The following SGSM2 variants were observed in gnomAD, a reference collection of about 807,000 sequenced individuals.
SGSM2 encodes the protein RUN and TBC1 domain containing 1.
A neutral mutation model predicts 126.6 loss-of-function variants in SGSM2; 89 were observed. The observed-to-expected ratio is 0.70, with a 90% CI of 0.59 to 0.84. The LOEUF (loss-of-function observed/expected upper bound fraction) is 0.84. Among genes scored for constraint, SGSM2 ranks in the 40% least tolerant of loss-of-function variants. The probability of loss-of-function intolerance (pLI) is 0.00; values close to 1 mark genes in which losing one functional copy is unlikely to be tolerated. For missense variants in SGSM2, 1,404 were observed against 1,416.6 expected (o/e 0.99, Z 0.14); for synonymous variants, 614 against 574.3 (o/e 1.07, Z -0.99).
intron 1 of SGSM2, among the ~76,000 whole-genome samples, chr17:2,338,379 T>C (rs1367620348): frequency 6.6e-6 from 1 of 152,156 alleles, no homozygotes; most frequent in Non-Finnish European, 1.5e-5. Context: ...GAAAGAGAAG[T>C]AGTCCTTCCC....
Position 2,371,243 on chromosome 17 carries a change from C to A in SGSM2, c.1424-19C>A. 6.2e-7 allele frequency: 1 copy of A among 1,605,740 alleles called. No individual in the cohort carries two copies. The highest frequency in any genetic ancestry group is 8.5e-7 in the Non-Finnish European group (1 of 1,178,254). On this transcript the variant is annotated intron_variant, in intron 12 of 23. Transcript: ENST00000268989. ...GAAGGTGTCTCAGGCCCTGACCATG[C>A]CACCCTTCCTGCCCGCAGACGCTGG...
Position 2,362,828 on chromosome 17 carries a change from CT to C in SGSM2, c.459-9del. 2 of 1,613,900 alleles carry C rather than the reference CT, an allele frequency of 1.2e-6. No homozygotes were observed. The highest frequency in any genetic ancestry group is 3.3e-5 in the Admixed American group (2 of 60,034). ...GAGCCTCGGCAGTCACACTGTCTGT[CT>C]CCTGGCAGCAAGTACTACGAGAAGG... On this transcript the variant is annotated splice_polypyrimidine_tract_variant and intron_variant, in intron 4 of 23. Coordinates refer to ENST00000268989, the MANE Select transcript of SGSM2 (RefSeq NM_014853.3). The surrounding 1 kb of genome is among the most constrained non-coding windows in gnomAD (Gnocchi z 4.9).
At chr17:2,339,575 G>A (rs921900246) in intron 1 of SGSM2, among the ~76,000 whole-genome samples, 17 of 151,906 alleles carry the variant, frequency 1.1e-4, no homozygotes, top group Non-Finnish European at 2.1e-4. Context: ...TTAGCTGGGC[G>A]TGGTGGCGGG....
At chr17:2,378,205 G>A (rs1422072740) in intron 22 of SGSM2, among the ~76,000 whole-genome samples, 1 of 152,206 alleles carries the variant, frequency 6.6e-6, no homozygotes, top group East Asian at 1.9e-4. Flanking sequence ...GTCAAGGTGA[G>A]AGGATCGCTT....
intron 1 of SGSM2, among the ~76,000 whole-genome samples, chr17:2,340,725 C>T (rs531150281): frequency 1.3e-5 from 2 of 152,158 alleles, no homozygotes; most frequent in African/African-American, 4.8e-5. Context: ...GCTGGGACTA[C>T]AGGCGCCTGC....
At chr17:2,379,243 G>A in intron 23 of SGSM2, 40 bp downstream of exon 23, 2 of 1,608,608 alleles carry the variant, frequency 1.2e-6, no homozygotes, top group Middle Eastern at 1.7e-4. Context: ...CCTGAGCAGA[G>A]GTGTGGAGGC....
rs545485550 is a variant in SGSM2, at chr17:2,363,696, C to T, written c.807+97C>T. ...GCTATTCCTTTCCTGAGGAGCTTGA[C>T]CAGAGACGGGGGGGAGAATGGCCCC... is the stretch of plus-strand genomic sequence containing the variant. On this transcript the variant is annotated intron_variant, in intron 7 of 23. Coordinates refer to ENST00000268989, the MANE Select transcript of SGSM2 (RefSeq NM_014853.3). The surrounding 1 kb of genome is among the most constrained non-coding windows in gnomAD (Gnocchi z 4.2). 6.7e-7 allele frequency: 1 copy of T among 1,503,462 alleles called. No individual in the cohort carries two copies. Among genetic ancestry groups the T allele is most frequent in the East Asian group, 2.3e-5 (1 of 42,884 alleles). The allele number at this position is 1,503,462 out of a possible 1,614,324, so 93.1% of individuals were successfully genotyped here.
At position 2,365,203 on chromosome 17, in the gene SGSM2, C is replaced by T; in HGVS notation, c.1162-12C>T. 6.2e-7 allele frequency: 1 copy of T among 1,605,960 alleles called. No homozygotes were observed. The highest frequency in any genetic ancestry group is 1.1e-5 in the South Asian group (1 of 89,944). On this transcript the variant is annotated splice_polypyrimidine_tract_variant and intron_variant, in intron 10 of 23. Coordinates refer to ENST00000268989, the MANE Select transcript of SGSM2 (RefSeq NM_014853.3). ...CCCTATACAGCCCGACCACCTACCC[C>T]TCCTTCCACAGGGGAAAGTGTTCCC...
At chr17:2,352,068 C>G (rs2064877562) in intron 2 of SGSM2, among the ~76,000 whole-genome samples, 1 of 152,168 alleles carries the variant, frequency 6.6e-6, no homozygotes, top group South Asian at 2.1e-4. Context: ...GATGGCCCTT[C>G]GCTCCTCTCA....
At chr17:2,378,108 G>T (rs1244228343) in intron 22 of SGSM2, among the ~76,000 whole-genome samples, 155 bp downstream of exon 22, 2 of 152,166 alleles carry the variant, frequency 1.3e-5, no homozygotes, top group Middle Eastern at 3.2e-3. Flanking sequence ...CCAGACTCAT[G>T]AACTGTGGCT....
chr17:2,343,442 A>T, intron 1 of SGSM2, 103 bp from the exon 2 acceptor site: 1 of 1,072,048 alleles, frequency 9.3e-7, no homozygotes, highest in Non-Finnish European at 1.4e-6. Flanking sequence ...AGTGTCTGAA[A>T]GTGCCCTTCA....
intron 1 of SGSM2, among the ~76,000 whole-genome samples, chr17:2,341,606 G>A (rs989446188): frequency 6.6e-6 from 1 of 152,190 alleles, no homozygotes; most frequent in African/African-American, 2.4e-5. Flanking sequence ...TCTAAAGAAT[G>A]GGGAAGACTA....
At chr17:2,379,390 C>T (rs576571442) in intron 23 of SGSM2, 42 bp from the exon 24 acceptor site, 1 of 1,587,618 alleles carries the variant, frequency 6.3e-7, no homozygotes, top group Non-Finnish European at 8.6e-7. Flanking sequence ...GCCTGCTGCC[C>T]TTTCTCTGGG....
chr17:2,373,293 C>T (rs772334360), intron 16 of SGSM2, 38 bp from the exon 17 acceptor site: 2 of 1,592,060 alleles, frequency 1.3e-6, no homozygotes, highest in East Asian at 4.5e-5. Context: ...GGGCCTGGTG[C>T]ACGCTTCCCC....
At position 2,337,736 on chromosome 17, in the gene SGSM2, G is replaced by A. The variant is rs761011635; in HGVS notation, c.48G>A (p.Val16=). 1 of 1,542,528 alleles carries A rather than the reference G, an allele frequency of 6.5e-7. No individual in the cohort carries two copies. Among genetic ancestry groups the A allele is most frequent in the Admixed American group, 1.9e-5 (1 of 53,226 alleles). Residue 16 remains valine, a synonymous_variant, in exon 1 of 24, where the codon GTG becomes GTA. Coordinates refer to ENST00000268989, the MANE Select transcript of SGSM2 (RefSeq NM_014853.3). This position sits in a 1 kb window ranked among gnomAD's most constrained non-coding sequence, Gnocchi z 5.1. The part of the protein sequence containing the change: ...DAVKEKLLWN[V]KKEVKQIMEE... Reference sequence around the variant, plus strand: ...TCAAAGAGAAACTGCTGTGGAACGTGAAGAAGGAGGTAAAGTCGAGTCAAG... The same window carrying A: ...TCAAAGAGAAACTGCTGTGGAACGTAAAGAAGGAGGTAAAGTCGAGTCAAG...
At chr17:2,379,315 A>G in intron 23 of SGSM2, 112 bp downstream of exon 23, 2 of 1,565,448 alleles carry the variant, frequency 1.3e-6, no homozygotes, top group African/African-American at 1.4e-5. Context: ...CCTTCCCCAA[A>G]GGCCGGGATG....
intron 11 of SGSM2, chr17:2,366,396 T>C (rs190574148): frequency 1.3e-5 from 2 of 152,304 alleles, no homozygotes; most frequent in Non-Finnish European, 2.9e-5. Context: ...AGAGCGTTTA[T>C]TGCTAACAAG....
chr17:2,358,538 AGTCTC>A, intron 2 of SGSM2, among the ~76,000 whole-genome samples: 1 of 152,066 alleles, frequency 6.6e-6, no homozygotes, highest in Non-Finnish European at 1.5e-5. Context: ...GTGAGACCTC[AGTCTC>A]TACAAAAAAT....
At position 2,363,011 on chromosome 17, in the gene SGSM2, C is replaced by T. The variant is rs774057647; in HGVS notation, c.549C>T (p.Tyr183=). ...CAGTGGGACCCTGTGCCTTGGAATACACTAAGCTCAAGACAGCCGATCACT... is the reference window on the plus strand; with the variant it reads ...CAGTGGGACCCTGTGCCTTGGAATATACTAAGCTCAAGACAGCCGATCACT... ...SLLVGPCALE[Y]TKLKTADHYW... is the part of the protein sequence containing the mutation. The change falls in exon 6 of 24, where the codon TAC becomes TAT. Residue 183 remains tyrosine, a synonymous_variant. Coordinates refer to ENST00000268989, the MANE Select transcript of SGSM2 (RefSeq NM_014853.3). This position sits in a 1 kb window ranked among gnomAD's most constrained non-coding sequence, Gnocchi z 4.2. 2 of 1,614,058 alleles carry T rather than the reference C, an allele frequency of 1.2e-6. No individual in the cohort carries two copies. Among genetic ancestry groups the T allele is most frequent in the South Asian group, 2.2e-5 (2 of 91,090 alleles).
Sources: allele counts gnomAD v4.1 joint callset (sites outside exome capture counted in the v4.1 genomes callset), GRCh38; gene constraint gnomAD v4.1.1; non-coding constraint Gnocchi (gnomAD v3.1); transcripts MANE v1.5; gene names NCBI Gene and HGNC (gene_info 2026-07-23, HGNC 2026-07-21).